ANKRD6: variants seen among roughly 807,000 people sequenced by gnomAD.
ANKRD6 encodes ankyrin repeat domain-containing protein 6.
Under a neutral mutation model 82.3 loss-of-function variants are expected in ANKRD6, and 56 were observed. The ratio of observed to expected loss-of-function variants is 0.68; its 90% CI spans 0.55 to 0.85. The LOEUF (loss-of-function observed/expected upper bound fraction) is 0.85, where lower values mean the gene tolerates loss of function less well. Among genes scored for constraint, ANKRD6 ranks in the 40% least tolerant of loss-of-function variants. The pLI, the probability that ANKRD6 is intolerant of heterozygous loss-of-function variation, is 0.00. For synonymous variants in ANKRD6, 347 were observed against 352.1 expected (o/e 0.99, Z 0.16); for missense variants, 852 against 907.6 (o/e 0.94, Z 0.79).
chr6:89,464,813 A>G (rs777062761), intron 1 of ANKRD6, among the ~76,000 whole-genome samples: 2 of 152,218 alleles, frequency 1.3e-5, no homozygotes, highest in Non-Finnish European at 2.9e-5. Flanking sequence ...AAGAATTCTC[A>G]GGGAATTGGG....
chr6:89,543,887 T>G (rs1784726748), intron 1 of ANKRD6, among the ~76,000 whole-genome samples: 1 of 152,216 alleles, frequency 6.6e-6, no homozygotes, highest in Admixed American at 6.5e-5. Flanking sequence ...TTATGACATT[T>G]ACATCCATCC....
chr6:89,556,645 A>T (rs1786643079), intron 1 of ANKRD6, among the ~76,000 whole-genome samples: 1 of 152,266 alleles, frequency 6.6e-6, no homozygotes, highest in Non-Finnish European at 1.5e-5. Context: ...AACCCAGGTA[A>T]GAAATGATGA....
chr6:89,624,557 C>G lies in ANKRD6; in HGVS notation c.1237C>G (p.Arg413Gly), dbSNP rs751110622. The G allele has an allele frequency of 1.3e-6, 2 of 1,552,912 alleles. No homozygotes were observed. The highest frequency in any genetic ancestry group is 8.7e-7 in the Non-Finnish European group (1 of 1,147,526). ...CTCTTAGGCACCAATAAATGGTTGTCGATGTGAACCTCTAATCAACAAGCT... is the reference window on the plus strand; with the variant it reads ...CTCTTAGGCACCAATAAATGGTTGTGGATGTGAACCTCTAATCAACAAGCT... Reference protein sequence around the residue: ...KVMQAPINGCRCEPLINKLEN... With the variant: ...KVMQAPINGCGCEPLINKLEN... Residue 413 changes from arginine (R) to glycine (G), a missense_variant, in exon 13 of 16, where the codon CGA (arginine) becomes GGA (glycine). By Grantham distance (125) the Arg-to-Gly change is moderately radical (BLOSUM62 -2). Coordinates refer to ENST00000339746, the MANE Select transcript of ANKRD6 (RefSeq NM_001242809.2).
At chr6:89,489,575 A>G (rs1368610511) in intron 1 of ANKRD6, among the ~76,000 whole-genome samples, 23 of 152,364 alleles carry the variant, frequency 1.5e-4, no homozygotes, top group Non-Finnish European at 1.5e-5. Context: ...TTGGTCTTCT[A>G]GAATTCCAGA....
intron 1 of ANKRD6, among the ~76,000 whole-genome samples, chr6:89,471,375 A>G (rs1318861533): frequency 6.6e-6 from 1 of 151,300 alleles, no homozygotes; most frequent in Non-Finnish European, 1.5e-5. Context: ...AAAAAAAAAA[A>G]AAAAAGAGGA....
chr6:89,566,633 T>C (rs1200505546), intron 1 of ANKRD6, among the ~76,000 whole-genome samples: 2 of 152,222 alleles, frequency 1.3e-5, no homozygotes, highest in East Asian at 1.9e-4. Context: ...GGAGGGAAGT[T>C]GGCACATTCT....
chr6:89,495,851 C>A (rs1778550115), intron 1 of ANKRD6, among the ~76,000 whole-genome samples: 1 of 152,176 alleles, frequency 6.6e-6, no homozygotes, highest in Non-Finnish European at 1.5e-5. Context: ...TTACAACCAC[C>A]TGCAAGTTAT....
intron 1 of ANKRD6, among the ~76,000 whole-genome samples, chr6:89,480,365 G>A (rs530305068): frequency 4.0e-4 from 61 of 152,254 alleles, no homozygotes; most frequent in South Asian, 3.5e-3. Context: ...GAATAGGGGC[G>A]CATGAAGGAG....
chr6:89,626,884 A>G (rs958030303), intron 13 of ANKRD6, among the ~76,000 whole-genome samples: 7 of 152,218 alleles, frequency 4.6e-5, no homozygotes, highest in African/African-American at 1.4e-4. Context: ...GCTACTTCCA[A>G]TGAAGCACCA....
rs1807828544 is a variant in ANKRD6, at chr6:89,633,579, ATTG to A, written c.*2578_*2580del. The A allele has an allele frequency of 2.6e-5, 4 of 152,196 alleles. No homozygotes were observed. The South Asian group carries it at 8.3e-4, about 32-fold the overall frequency. 9.4% of individuals were successfully genotyped at this position (152,196 alleles called of 1,614,324 possible). A position where few individuals can be genotyped will look rare whatever the true frequency, so the allele number is the denominator to read the frequency against. ...ACAGTATTAGTGTTTTTTTAAAGAA[ATTG>A]TTAGTGCATTATTGAGTATACTAAA... On this transcript the variant is annotated 3_prime_UTR_variant, in exon 16 of 16. Coordinates refer to ENST00000339746, the MANE Select transcript of ANKRD6 (RefSeq NM_001242809.2).
intron 1 of ANKRD6, chr6:89,565,279 C>A (rs975709475): frequency 2.0e-5 from 3 of 152,120 alleles, no homozygotes; most frequent in Non-Finnish European, 2.9e-5. Flanking sequence ...TTCACCAGAT[C>A]TGTTTTGTTT....
At chr6:89,540,122 G>T (rs1213439756) in intron 1 of ANKRD6, among the ~76,000 whole-genome samples, 2 of 152,010 alleles carry the variant, frequency 1.3e-5, no homozygotes, top group African/African-American at 4.8e-5. Context: ...TTGATACACT[G>T]GTTTCCTTTC....
intron 1 of ANKRD6, among the ~76,000 whole-genome samples, chr6:89,464,251 T>C (rs1357541965): frequency 1.3e-5 from 2 of 152,142 alleles, no homozygotes; most frequent in East Asian, 3.8e-4. Flanking sequence ...GGAACTTCAC[T>C]TCTTTTTAAC....
At chr6:89,582,056 A>G (rs1792658704) in intron 2 of ANKRD6, among the ~76,000 whole-genome samples, 1 of 152,222 alleles carries the variant, frequency 6.6e-6, no homozygotes, top group Admixed American at 6.5e-5. Flanking sequence ...ATCATCAAAA[A>G]TCTCTGGGGA....
chr6:89,498,505 G>T (rs1778897763), intron 1 of ANKRD6, among the ~76,000 whole-genome samples: 1 of 150,950 alleles, frequency 6.6e-6, no homozygotes, highest in African/African-American at 2.4e-5. Flanking sequence ...GCAGATAATA[G>T]ATTTCCCTTT....
At chr6:89,536,476 T>G (rs1783853862) in intron 1 of ANKRD6, among the ~76,000 whole-genome samples, 1 of 152,230 alleles carries the variant, frequency 6.6e-6, no homozygotes, top group Admixed American at 6.5e-5. Flanking sequence ...AACTCTGCAT[T>G]GCTTTCAGGC....
At chr6:89,532,959 C>T (rs1226553250) in intron 1 of ANKRD6, among the ~76,000 whole-genome samples, 3 of 151,594 alleles carry the variant, frequency 2.0e-5, no homozygotes, top group African/African-American at 7.3e-5. Context: ...CTGCAACCTC[C>T]GCCTCCCAGG....
In ANKRD6 at chr6:89,567,051, T is replaced by C. The variant is rs1464845160; in HGVS notation, c.75T>C (p.Asn25=). ...LVAAYKGQTE[N]VVQLINKGAR... is the part of the protein sequence containing the mutation. ...CTGCGTACAAAGGCCAAACAGAGAA[T>C]GTGGTTCAGCTCATCAACAAGGGCG... Residue 25 remains asparagine, a synonymous_variant, in exon 2 of 16, where the codon AAT becomes AAC. Transcript: ENST00000339746. 2.5e-6 allele frequency: 4 copies of C among 1,607,118 alleles called. No homozygotes were observed. The highest frequency in any genetic ancestry group is 3.4e-6 in the Non-Finnish European group (4 of 1,176,692).
At chr6:89,537,897 A>G (rs1355800069) in intron 1 of ANKRD6, among the ~76,000 whole-genome samples, 4 of 136,194 alleles carry the variant, frequency 2.9e-5, no homozygotes, top group East Asian at 3.9e-4. Context: ...AAAAAAAAAA[A>G]AAAGAAAAGA....
Sources: allele counts gnomAD v4.1 joint callset (sites outside exome capture counted in the v4.1 genomes callset), GRCh38; gene constraint gnomAD v4.1.1; transcripts MANE v1.5; gene names NCBI Gene and HGNC (gene_info 2026-07-23, HGNC 2026-07-21).